CACNA1C: variants seen among roughly 807,000 people sequenced by gnomAD.
CACNA1C encodes voltage-dependent L-type calcium channel subunit alpha-1C.
In CACNA1C, 30 loss-of-function variants were observed where a neutral mutation model predicts 229.0. The observed-to-expected ratio is 0.13, with a 90% CI of 0.10 to 0.18. The LOEUF (loss-of-function observed/expected upper bound fraction) is 0.18. CACNA1C is among the 10% of genes least tolerant of loss of function. CACNA1C has a pLI of 1.00. For missense variants in CACNA1C, 1,658 were observed against 2,845.0 expected (o/e 0.58, Z 9.49); for synonymous variants, 1,114 against 1,132.5 (o/e 0.98, Z 0.33).
At chr12:2,310,566 T>C (rs2095381743) in intron 3 of CACNA1C, among the ~76,000 whole-genome samples, 1 of 152,126 alleles carries the variant, frequency 6.6e-6, no homozygotes, top group African/African-American at 2.4e-5. Context: ...GCAAAGTATT[T>C]CTCAAGCCCC....
intron 37 of CACNA1C, among the ~76,000 whole-genome samples, chr12:2,667,662 CT>C (rs1410776740): frequency 6.6e-6 from 1 of 152,156 alleles, no homozygotes; most frequent in Non-Finnish European, 1.5e-5. Context: ...GGGGTGCAGC[CT>C]GGAGGGGGCT....
intron 3 of CACNA1C, among the ~76,000 whole-genome samples, chr12:2,329,789 C>T (rs557828462): frequency 5.7e-4 from 87 of 152,212 alleles, no homozygotes; most frequent in Admixed American, 7.2e-4. Context: ...GGCAGCTGGG[C>T]GGCTGTGACT....
At chr12:2,167,002 G>A (rs952785301) in intron 3 of CACNA1C, among the ~76,000 whole-genome samples, 1 of 152,272 alleles carries the variant, frequency 6.6e-6, no homozygotes, top group Non-Finnish European at 1.5e-5. Context: ...AGAAAAGGGC[G>A]ACCCATGAGT....
intron 3 of CACNA1C, among the ~76,000 whole-genome samples, chr12:2,434,613 A>C (rs1396958139): frequency 2.0e-5 from 3 of 152,122 alleles, no homozygotes; most frequent in Non-Finnish European, 4.4e-5. Context: ...AGCCAAATTC[A>C]CTTTTGTGGA....
intron 1 of CACNA1C, among the ~76,000 whole-genome samples, chr12:2,012,307 T>C (rs188420833): frequency 6.6e-6 from 1 of 152,294 alleles, no homozygotes. Flanking sequence ...ATATTCTATA[T>C]TGGGTTGACA....
intron 3 of CACNA1C, among the ~76,000 whole-genome samples, chr12:2,159,228 T>C (rs2095708901): frequency 6.6e-6 from 1 of 152,136 alleles, no homozygotes; most frequent in Non-Finnish European, 1.5e-5. Context: ...GCATGGTGGC[T>C]CATGCCTGTA....
chr12:1,992,931 T>C, intron 1 of CACNA1C: 1 of 580,542 alleles, frequency 1.7e-6, no homozygotes, highest in African/African-American at 1.9e-5. Flanking sequence ...GCCACCTATG[T>C]GTGTGTCTCT....
chr12:2,633,954 G>T lies in CACNA1C; in HGVS notation c.3829-343G>T, dbSNP rs1023613908. Among the ~76,000 whole-genome samples the T allele has an allele frequency of 6.6e-6, 1 of 152,144 alleles. No individual in the cohort carries two copies. Among genetic ancestry groups the T allele is most frequent in the African/African-American group, 2.4e-5 (1 of 41,444 alleles). ...CTCTGCCCGGCGCTGCCGGGCTGGG[G>T]CGTGGAGCTGAGCAGAGGGAGTGGC... On this transcript the variant is annotated intron_variant, in intron 29 of 46. Transcript: ENST00000399655. The surrounding 1 kb of genome is among the most constrained non-coding windows in gnomAD (Gnocchi z 5.8).
Position 2,695,498 on chromosome 12 carries a change from C to A in CACNA1C, c.*4299C>A, listed in dbSNP as rs12809807. ...CAGGCGGGGAAGCCCAAACCTCACT[C>A]CCAGGGAGGCCCTCAGCCGCCAGAG... On this transcript the variant is annotated 3_prime_UTR_variant, in exon 47 of 47. Coordinates refer to ENST00000399655, the MANE Select transcript of CACNA1C (RefSeq NM_000719.7). The A allele has an allele frequency of 0.046, 7,086 of 152,442 alleles. 259 individuals carry two copies. The highest frequency in any genetic ancestry group is 0.11 in the Admixed American group (1,739 of 15,304). 9.4% of individuals were successfully genotyped at this position (152,442 alleles called of 1,614,324 possible).
chr12:2,089,885 C>T lies in CACNA1C; in HGVS notation c.50-25339C>T, dbSNP rs562379789. Among the ~76,000 whole-genome samples the T allele has an allele frequency of 6.7e-4, 102 of 152,050 alleles. 1 individual carries two copies. The highest frequency in any genetic ancestry group is 4.3e-4 in the Non-Finnish European group (29 of 67,970). On this transcript the variant is annotated intron_variant, in intron 1 of 46. Coordinates refer to ENST00000399655, the MANE Select transcript of CACNA1C (RefSeq NM_000719.7). The stretch of plus-strand genomic sequence containing the variant: ...CCTACTAAAAATACAAAAAATTAGC[C>T]GGGCGTGGTGGCAGGCGCCTGTAGT...
rs1304137592 is a variant in CACNA1C, at chr12:2,597,980, A to G, written c.2853+691A>G. 1.3e-5 allele frequency among the ~76,000 whole-genome samples: 2 copies of G among 152,208 alleles called. No individual in the cohort carries two copies. The highest frequency in any genetic ancestry group is 1.3e-4 in the Admixed American group (2 of 15,290). On this transcript the variant is annotated intron_variant, in intron 21 of 46. Transcript: ENST00000399655. This position sits in a 1 kb window ranked among gnomAD's most constrained non-coding sequence, Gnocchi z 4.3. The stretch of plus-strand genomic sequence containing the variant: ...GATGCCCATCCTTAGCACCTTCCTC[A>G]GTACTTGCAGCAGATATTGGGTCTA...
intron 37 of CACNA1C, among the ~76,000 whole-genome samples, chr12:2,668,239 T>C (rs7295775): frequency 0.19 from 29,483 of 152,206 alleles, 6,472 homozygotes; most frequent in African/African-American, 0.54. Context: ...GAGCAGACTT[T>C]CGAGCAGGGC....
intron 1 of CACNA1C, chr12:2,004,366 C>G: frequency 6.2e-7 from 1 of 1,613,188 alleles, no homozygotes; most frequent in Non-Finnish European, 8.5e-7. Flanking sequence ...GGTCGTGGCG[C>G]TGCAGGGCCG....
Position 2,677,010 on chromosome 12 carries a change from G to A in CACNA1C, c.4829-84G>A. ...AAATATTAAAGTTTTAAAAAGTTTT[G>A]GATGCTGAAAAAAAAAATGAATGAA... On this transcript the variant is annotated intron_variant, in intron 39 of 46. Transcript: ENST00000399655. The surrounding 1 kb of genome is among the most constrained non-coding windows in gnomAD (Gnocchi z 7.4). 1 of 1,175,486 alleles carries A rather than the reference G, an allele frequency of 8.5e-7. No individual in the cohort carries two copies. The highest frequency in any genetic ancestry group is 1.2e-6 in the Non-Finnish European group (1 of 810,466). The allele number at this position is 1,175,486 out of a possible 1,614,324, so 72.8% of individuals were successfully genotyped here.
intron 3 of CACNA1C, among the ~76,000 whole-genome samples, chr12:2,161,411 G>A (rs1320977696): frequency 6.6e-6 from 1 of 152,162 alleles, no homozygotes; most frequent in African/African-American, 2.4e-5. Flanking sequence ...GGCTCTAAAC[G>A]CCAGCTTGGT....
chr12:2,066,633 C>T (rs2059362428), intron 1 of CACNA1C, among the ~76,000 whole-genome samples: 1 of 151,942 alleles, frequency 6.6e-6, no homozygotes, highest in African/African-American at 2.4e-5. Context: ...ACCACTCTTT[C>T]AAGAATTTTG....
intron 1 of CACNA1C, among the ~76,000 whole-genome samples, chr12:2,104,069 T>C (rs1473901229): frequency 6.6e-6 from 1 of 152,224 alleles, no homozygotes; most frequent in East Asian, 1.9e-4. Flanking sequence ...GGCTCTTTTT[T>C]GGTTCCATAT....
intron 29 of CACNA1C, chr12:2,615,058 C>G (rs984729602): frequency 6.6e-6 from 1 of 151,840 alleles, no homozygotes; most frequent in African/African-American, 2.4e-5. Flanking sequence ...GCCTCAGGAA[C>G]CTGCAGGCAT....
chr12:2,396,707 C>T (rs1236477692), intron 3 of CACNA1C, among the ~76,000 whole-genome samples: 4 of 152,252 alleles, frequency 2.6e-5, no homozygotes, highest in Non-Finnish European at 5.9e-5. Flanking sequence ...GCAGGCGCCT[C>T]TTGGCCAAGA....
Sources: gnomAD v4.1 joint callset for allele counts (sites outside exome capture counted in the v4.1 genomes callset) on GRCh38, gnomAD v4.1.1 for gene constraint, Gnocchi (gnomAD v3.1) non-coding constraint, MANE v1.5 for transcripts, NCBI Gene and HGNC (gene_info 2026-07-23, HGNC 2026-07-21) for gene names.